EP400: variants seen among roughly 807,000 people sequenced by gnomAD.
EP400 encodes E1A-binding protein p400.
A neutral mutation model predicts 354.1 loss-of-function variants in EP400; 105 were observed. That is an observed-to-expected ratio of 0.30 (90% CI 0.25 to 0.35). The LOEUF (loss-of-function observed/expected upper bound fraction) is 0.35. Among genes scored for constraint, EP400 ranks in the 10% least tolerant of loss-of-function variants. The pLI is 1.00. For missense variants in EP400, 3,280 were observed against 4,121.0 expected (o/e 0.80, Z 5.59); for synonymous variants, 1,646 against 1,716.9 (o/e 0.96, Z 1.02).
At chr12:131,985,694 G>A (rs970019116) in intron 5 of EP400, among the ~76,000 whole-genome samples, 3 of 152,138 alleles carry the variant, frequency 2.0e-5, no homozygotes, top group African/African-American at 7.2e-5. Flanking sequence ...CACAACCTCC[G>A]CCTCTTGGGT....
At position 132,072,910 on chromosome 12, in the gene EP400, C is replaced by T. The variant is rs2136622400; in HGVS notation, c.9021+3269C>T. On this transcript the variant is annotated intron_variant, in intron 51 of 52. Coordinates refer to ENST00000389561, the MANE Select transcript of EP400 (RefSeq NM_015409.5). ...TACTGTCTTCAGTAATATCTCTGGT[C>T]TTGAAGCCTATTCTCCTCACATGAG... 1.3e-5 allele frequency among the ~76,000 whole-genome samples: 2 copies of T among 152,282 alleles called. 1 individual carries two copies. Among genetic ancestry groups the T allele is most frequent in the South Asian group, 4.1e-4 (2 of 4,820 alleles).
chr12:132,021,165 C>T lies in EP400; in HGVS notation c.4534C>T (p.Pro1512Ser), dbSNP rs1471537018. 6.2e-7 allele frequency: 1 copy of T among 1,601,116 alleles called. No homozygotes were observed. The highest frequency in any genetic ancestry group is 8.5e-7 in the Non-Finnish European group (1 of 1,179,744). Reference protein sequence around the residue: ...PASASSTAASPAHPAKLRAQT... With the variant: ...PASASSTAASSAHPAKLRAQT... ...CTCGGCCTCCAGCACAGCCGCTAGCCCGGCCCATCCTGCGAAACTGCGGGC... is the reference window on the plus strand; with the variant it reads ...CTCGGCCTCCAGCACAGCCGCTAGCTCGGCCCATCCTGCGAAACTGCGGGC... Residue 1512 changes from proline to serine, a missense_variant, in exon 23 of 53, where the codon CCG becomes TCG. Transcript: ENST00000389561.
At position 131,972,304 on chromosome 12, in the gene EP400, G is replaced by A. The variant is rs550729678; in HGVS notation, c.1336-7390G>A. 1.6e-4 allele frequency among the ~76,000 whole-genome samples: 24 copies of A among 151,912 alleles called. 1 individual carries two copies. In the South Asian group the frequency reaches 4.8e-3, roughly 30 times the overall value. On this transcript the variant is annotated intron_variant, in intron 2 of 52. Coordinates refer to ENST00000389561, the MANE Select transcript of EP400 (RefSeq NM_015409.5). ...AGTAGCTGAGACTACAGGCCCCTGC[G>A]ACCACGCCCGGCGAATTTTTTGTTA...
chr12:131,957,995 T>G (rs1026095391), intron 1 of EP400, among the ~76,000 whole-genome samples: 11 of 152,240 alleles, frequency 7.2e-5, no homozygotes, highest in African/African-American at 2.7e-4. Context: ...TTCCTAACCC[T>G]TACCTTTCCC....
chr12:132,060,593 C>T (rs530615175), intron 45 of EP400, among the ~76,000 whole-genome samples: 2 of 152,200 alleles, frequency 1.3e-5, no homozygotes, highest in East Asian at 3.9e-4. Flanking sequence ...TGCTGCCAGC[C>T]TAGGGCTCTG....
At chr12:131,954,726 GA>G (rs35935376) in intron 1 of EP400, among the ~76,000 whole-genome samples, 887 of 83,700 alleles carry the variant, frequency 0.011, 14 homozygotes, top group South Asian at 0.09. Flanking sequence ...CTCCATCTCA[GA>G]AAAAAAAAAA....
At chr12:132,003,120 A>G (rs1372825031) in intron 12 of EP400, among the ~76,000 whole-genome samples, 3 of 145,392 alleles carry the variant, frequency 2.1e-5, no homozygotes, top group Admixed American at 6.6e-5. Context: ...CTGAGGCAGG[A>G]TGGTCACTTG....
intron 30 of EP400, among the ~76,000 whole-genome samples, chr12:132,033,463 C>G (rs1894591927): frequency 6.6e-6 from 1 of 152,074 alleles, no homozygotes; most frequent in Admixed American, 6.6e-5. Context: ...GAGCCTGAGA[C>G]TAGACAAATA....
rs1050816375 is a variant in EP400 at position 132,018,053 on chromosome 12, G to T, written c.4111-157G>T. On this transcript the variant is annotated intron_variant, in intron 20 of 52. Coordinates refer to ENST00000389561, the MANE Select transcript of EP400 (RefSeq NM_015409.5). The surrounding 1 kb of genome is among the most constrained non-coding windows in gnomAD (Gnocchi z 4.0). ...CTTCACCAAGGGTGTGGCAGCACCT[G>T]TGTATTGGCACGGAGGAGGGTCTGC... 7.2e-5 allele frequency among the ~76,000 whole-genome samples: 11 copies of T among 152,256 alleles called. No homozygotes were observed. Among genetic ancestry groups the T allele is most frequent in the Admixed American group, 2.0e-4 (3 of 15,288 alleles).
intron 15 of EP400, among the ~76,000 whole-genome samples, chr12:132,008,435 G>A (rs539333431): frequency 1.0e-3 from 157 of 152,252 alleles, no homozygotes; most frequent in African/African-American, 3.6e-3. Context: ...TCTTTGGCCC[G>A]TGTCACACAG....
intron 2 of EP400, among the ~76,000 whole-genome samples, chr12:131,971,362 CTA>C: frequency 6.6e-6 from 1 of 152,100 alleles, no homozygotes; most frequent in Non-Finnish European, 1.5e-5. Flanking sequence ...TGTGTATATA[CTA>C]TATTATCTGT....
In EP400 at chr12:131,982,144, G is replaced by A; in HGVS notation, c.1595G>A (p.Ser532Asn). 1 of 1,588,858 alleles carries A rather than the reference G, an allele frequency of 6.3e-7. No individual in the cohort carries two copies. Among genetic ancestry groups the A allele is most frequent in the Non-Finnish European group, 8.6e-7 (1 of 1,163,194 alleles). The change falls in exon 5 of 53, where the codon AGT (serine) becomes AAT (asparagine). Residue 532 changes from serine (S) to asparagine (N), a missense_variant. This residue lies in a region of EP400 where 800 missense variants were observed against 840.0 expected (regional missense o/e 0.95). Transcript: ENST00000389561. ...GCGCAGCTCGCTGGACAGAGGCAGA[G>A]TCAGCAGCAGTATGACCCCTCCACG... ...QAAQLAGQRQ[S>N]QQQYDPSTGP...
chr12:132,076,036 G>C (rs997633287), intron 51 of EP400: 3 of 226,930 alleles, frequency 1.3e-5, no homozygotes, highest in Non-Finnish European at 2.7e-5. Context: ...TGACTAAGAA[G>C]AATGTAGAAA....
chr12:132,044,767 C>T lies in EP400; in HGVS notation c.6631-33C>T, dbSNP rs767442865. ...CTGTGTGGGCAGCTTCCTGTGAGTT[C>T]CACATCTCATGGGCCTTCCCTTCTC... On this transcript the variant is annotated intron_variant, in intron 36 of 52. Coordinates refer to ENST00000389561, the MANE Select transcript of EP400 (RefSeq NM_015409.5). 5 of 1,614,136 alleles carry T rather than the reference C, an allele frequency of 3.1e-6. No homozygotes were observed. The South Asian group carries it at 4.4e-5, about 14-fold the overall frequency.
In EP400 at chr12:131,987,690, A is replaced by T; in HGVS notation, c.2224-15A>T. 1 of 1,576,732 alleles carries T rather than the reference A, an allele frequency of 6.3e-7. No individual in the cohort carries two copies. The highest frequency in any genetic ancestry group is 1.4e-5 in the African/African-American group (1 of 74,068). Reference sequence around the variant, plus strand: ...TCACATGCCGACCCCACCATCCCCCATGTATCATCTACAGGAGAACCAGGT... The same window carrying T: ...TCACATGCCGACCCCACCATCCCCCTTGTATCATCTACAGGAGAACCAGGT... On this transcript the variant is annotated splice_polypyrimidine_tract_variant and intron_variant, in intron 6 of 52. Coordinates refer to ENST00000389561, the MANE Select transcript of EP400 (RefSeq NM_015409.5).
At chr12:131,980,134 A>C (rs1260863061) in intron 3 of EP400, among the ~76,000 whole-genome samples, 1 of 152,112 alleles carries the variant, frequency 6.6e-6, no homozygotes, top group Non-Finnish European at 1.5e-5. Flanking sequence ...AACTTAATAC[A>C]TTTTTATATA....
In EP400 at chr12:132,029,830, C is replaced by A; in HGVS notation, c.5511C>A (p.Phe1837Leu). 6.2e-7 allele frequency: 1 copy of A among 1,613,270 alleles called. No homozygotes were observed. Among genetic ancestry groups the A allele is most frequent in the East Asian group, 2.2e-5 (1 of 44,878 alleles). ...TGAGAGAGCACGCTGCGCCGTACTT[C>A]CAGCAGCTGCGGCAGACCACGGCTC... ...QGLREHAAPY[F>L]QQLRQTTAPR... The change falls in exon 28 of 53, where the codon TTC becomes TTA. Residue 1837 changes from phenylalanine to leucine, a missense_variant. Phe to Leu is a conservative substitution (Grantham distance 22). Transcript: ENST00000389561. The surrounding 1 kb of genome is among the most constrained non-coding windows in gnomAD (Gnocchi z 4.7).
Position 132,021,110 on chromosome 12 carries a change from T to C in EP400, c.4479T>C (p.Ala1493=), listed in dbSNP as rs748184835. ...AAAAPFQTSQ[A]SASAPRHQPA... The stretch of plus-strand genomic sequence containing the variant: ...CAGCCCCGTTTCAGACCTCTCAGGC[T>C]TCCGCCAGTGCTCCACGACACCAGC... Residue 1493 remains alanine, a synonymous_variant, in exon 23 of 53, where the codon GCT becomes GCC. Transcript: ENST00000389561. The C allele has an allele frequency of 2.8e-5, 44 of 1,599,892 alleles. No homozygotes were observed. In the Admixed American group the frequency reaches 7.3e-4, roughly 27 times the overall value.
At chr12:132,055,428 G>GGT (rs1440700684) in intron 45 of EP400, among the ~76,000 whole-genome samples, 2 of 143,056 alleles carry the variant, frequency 1.4e-5, no homozygotes, top group African/African-American at 5.8e-5. Flanking sequence ...AATGAGGTGG[G>GGT]GTATGTGTGT....
Sources: gnomAD v4.1 joint callset for allele counts (sites outside exome capture counted in the v4.1 genomes callset) on GRCh38, gnomAD v4.1.1 for gene constraint, gnomAD v4.1.1 regional missense constraint, Gnocchi (gnomAD v3.1) non-coding constraint, MANE v1.5 for transcripts, NCBI Gene and HGNC (gene_info 2026-07-23, HGNC 2026-07-21) for gene names.